The following ANO6 variants were observed in gnomAD, a reference collection of about 807,000 sequenced individuals.
ANO6 encodes the protein anoctamin 6.
In ANO6, 106 loss-of-function variants were observed where a neutral mutation model predicts 117.5. The observed-to-expected ratio is 0.90, with a 90% CI of 0.77 to 1.06. The LOEUF is 1.06. Among genes scored for constraint, ANO6 ranks in the 50% least tolerant of loss-of-function variants. ANO6 has a pLI of 0.00. For synonymous variants in ANO6, 367 were observed against 385.1 expected (o/e 0.95, Z 0.55); for missense variants, 955 against 1,121.1 (o/e 0.85, Z 2.12).
Position 45,389,430 on chromosome 12 carries a change from T to C in ANO6, c.1309-991T>C, listed in dbSNP as rs75066714. ...GTAGTTTGAGCACTAAAAAATCTTA[T>C]AATACCAGCAACATGGGAAAAATAC... On this transcript the variant is annotated intron_variant, in intron 11 of 19. Coordinates refer to ENST00000320560, the MANE Select transcript of ANO6 (RefSeq NM_001025356.3). Among the ~76,000 whole-genome samples the C allele has an allele frequency of 3.6e-3, 541 of 152,246 alleles. 8 individuals carry two copies. Among genetic ancestry groups the C allele is most frequent in the East Asian group, 0.032 (167 of 5,192 alleles).
intron 1 of ANO6, among the ~76,000 whole-genome samples, chr12:45,242,898 G>T (rs1045541586): frequency 6.6e-6 from 1 of 152,098 alleles, no homozygotes; most frequent in African/African-American, 2.4e-5. Context: ...AACTAGAATA[G>T]AAAAGTATAC....
Position 45,285,363 on chromosome 12 carries a change from G to A in ANO6, c.71-16651G>A, listed in dbSNP as rs567851861. On this transcript the variant is annotated intron_variant, in intron 1 of 19. Transcript: ENST00000320560. Reference sequence around the variant, plus strand: ...CAAAGTATAATGAAAGAAGAGACACGAGGAGTTGATTATTTGTGGAGAAAA... The same window carrying A: ...CAAAGTATAATGAAAGAAGAGACACAAGGAGTTGATTATTTGTGGAGAAAA... Among the ~76,000 whole-genome samples, 8 of 152,310 alleles carry A rather than the reference G, an allele frequency of 5.3e-5. No individual in the cohort carries two copies. In the South Asian group the frequency reaches 1.7e-3, roughly 32 times the overall value.
At chr12:45,234,121 A>G (rs577851503) in intron 1 of ANO6, among the ~76,000 whole-genome samples, 96 of 152,244 alleles carry the variant, frequency 6.3e-4, no homozygotes, top group Non-Finnish European at 1.2e-3. Context: ...AGCAGTTCAC[A>G]TAATGCCTTG....
At chr12:45,365,636 T>A (rs573273531) in intron 8 of ANO6, among the ~76,000 whole-genome samples, 7 of 152,310 alleles carry the variant, frequency 4.6e-5, no homozygotes, top group African/African-American at 1.7e-4. Flanking sequence ...TCTTCCCCCT[T>A]CAGTGGCTGC....
At chr12:45,302,376 C>T (rs1939523464) in intron 2 of ANO6, among the ~76,000 whole-genome samples, 1 of 152,176 alleles carries the variant, frequency 6.6e-6, no homozygotes, top group Non-Finnish European at 1.5e-5. Flanking sequence ...TCTGAAACTC[C>T]TGTTCCATTC....
At chr12:45,256,883 A>G (rs1397596030) in intron 1 of ANO6, among the ~76,000 whole-genome samples, 1 of 152,232 alleles carries the variant, frequency 6.6e-6, no homozygotes, top group Non-Finnish European at 1.5e-5. Flanking sequence ...AATGGCAGGC[A>G]CATGATTATA....
intron 2 of ANO6, among the ~76,000 whole-genome samples, chr12:45,306,823 G>A (rs1424749936): frequency 6.6e-6 from 1 of 151,712 alleles, no homozygotes; most frequent in Non-Finnish European, 1.5e-5. Flanking sequence ...GGGATTATTT[G>A]TGTGTATGTG....
At chr12:45,363,829 C>T (rs1412773616) in intron 8 of ANO6, among the ~76,000 whole-genome samples, 6 of 152,192 alleles carry the variant, frequency 3.9e-5, no homozygotes, top group African/African-American at 1.2e-4. Flanking sequence ...TTCTTGCCTG[C>T]CTCCATATAA....
Position 45,357,278 on chromosome 12 carries a change from G to C in ANO6, c.864-12G>C. 1 of 1,613,120 alleles carries C rather than the reference G, an allele frequency of 6.2e-7. No homozygotes were observed. The highest frequency in any genetic ancestry group is 8.5e-7 in the Non-Finnish European group (1 of 1,179,764). On this transcript the variant is annotated splice_polypyrimidine_tract_variant and intron_variant, in intron 7 of 19. Transcript: ENST00000320560. ...TTTGCATCTTCTAAAAATAATTTCT[G>C]TCTTTCTTCAGGAAATACTATGGAG... is the stretch of plus-strand genomic sequence containing the variant.
chr12:45,407,658 C>T (rs1047926315), intron 15 of ANO6, among the ~76,000 whole-genome samples: 2 of 152,020 alleles, frequency 1.3e-5, no homozygotes, highest in Non-Finnish European at 1.5e-5. Context: ...CAAGAGTCTA[C>T]GTAATATAGG....
chr12:45,268,076 C>T (rs1938278971), intron 1 of ANO6, among the ~76,000 whole-genome samples: 1 of 152,178 alleles, frequency 6.6e-6, no homozygotes, highest in South Asian at 2.1e-4. Flanking sequence ...GTACAGATAT[C>T]TCTATATCTG....
At chr12:45,373,579 A>G (rs1404052311) in intron 9 of ANO6, among the ~76,000 whole-genome samples, 2 of 152,302 alleles carry the variant, frequency 1.3e-5, no homozygotes, top group East Asian at 1.9e-4. Flanking sequence ...GCTCAACTAC[A>G]TGGAAACTGA....
At chr12:45,353,909 G>T (rs1428727466) in intron 7 of ANO6, among the ~76,000 whole-genome samples, 1 of 142,964 alleles carries the variant, frequency 7.0e-6, no homozygotes, top group African/African-American at 3.0e-5. Context: ...GAACGCATTA[G>T]AAAAATGAAG....
At chr12:45,304,278 T>C (rs1013539636) in intron 2 of ANO6, among the ~76,000 whole-genome samples, 15 of 152,152 alleles carry the variant, frequency 9.9e-5, no homozygotes, top group African/African-American at 3.4e-4. Context: ...TCAGCTCTTT[T>C]TGTAGGCAGA....
chr12:45,429,464 C>T lies in ANO6; in HGVS notation c.*153C>T, dbSNP rs189681193. On this transcript the variant is annotated 3_prime_UTR_variant, in exon 20 of 20. Transcript: ENST00000320560. ...TGTATTATTTTTCAGTTTCAGCTAGCGATGCAGAAACTGGAAAATGTAAAA... is the reference window on the plus strand; with the variant it reads ...TGTATTATTTTTCAGTTTCAGCTAGTGATGCAGAAACTGGAAAATGTAAAA... 7.5e-5 allele frequency: 110 copies of T among 1,463,422 alleles called. No individual in the cohort carries two copies. In the African/African-American group the frequency reaches 9.7e-4, roughly 13 times the overall value. The allele number at this position is 1,463,422 out of a possible 1,614,324, so 90.7% of individuals were successfully genotyped here.
intron 1 of ANO6, among the ~76,000 whole-genome samples, chr12:45,223,072 CCTCA>C (rs1271957026): frequency 6.6e-6 from 1 of 152,224 alleles, no homozygotes; most frequent in African/African-American, 2.4e-5. Context: ...TTCCCGCATA[CCTCA>C]CTCTATGCAT....
intron 19 of ANO6, among the ~76,000 whole-genome samples, chr12:45,424,222 C>T (rs960052508): frequency 4.0e-5 from 6 of 151,668 alleles, no homozygotes; most frequent in African/African-American, 1.2e-4. Flanking sequence ...TGCAGTGGAC[C>T]ATCCCCACTG....
At chr12:45,228,438 C>T (rs978017365) in intron 1 of ANO6, among the ~76,000 whole-genome samples, 6 of 151,924 alleles carry the variant, frequency 3.9e-5, no homozygotes, top group African/African-American at 1.5e-4. Context: ...TGCACCTGCC[C>T]AAGCAGTTCT....
chr12:45,423,196 A>C (rs1943411064), intron 19 of ANO6, 134 bp downstream of exon 19: 2 of 747,566 alleles, frequency 2.7e-6, no homozygotes, highest in South Asian at 3.0e-5. Flanking sequence ...GAAATATGTT[A>C]ATCAGTATTG....
Sources: gnomAD v4.1 joint callset for allele counts (sites outside exome capture counted in the v4.1 genomes callset) on GRCh38, gnomAD v4.1.1 for gene constraint, MANE v1.5 for transcripts, NCBI Gene and HGNC (gene_info 2026-07-23, HGNC 2026-07-21) for gene names.